KCNMA1: variants seen among roughly 807,000 people sequenced by gnomAD.
KCNMA1 encodes the protein potassium calcium-activated channel subfamily M alpha 1.
KCNMA1 carries 29 observed loss-of-function variants against 140.0 expected under a neutral mutation model. The observed-to-expected ratio is 0.21, with a 90% confidence interval of 0.15 to 0.28. The LOEUF (loss-of-function observed/expected upper bound fraction) is 0.28. KCNMA1 is among the 10% of genes least tolerant of loss of function. KCNMA1 has a pLI of 1.00. For missense variants in KCNMA1, 880 were observed against 1,602.2 expected, an observed-to-expected ratio of 0.55 and a Z score of 7.70; for synonymous variants, 612 against 611.9, an observed-to-expected ratio of 1.00 and a Z score of 0.00.
intron 1 of KCNMA1, among the ~76,000 whole-genome samples, chr10:77,543,270 T>C (rs1603634659): frequency 6.6e-6 from 1 of 152,116 alleles, no homozygotes; most frequent in Non-Finnish European, 1.5e-5. Context: ...TCTCCCATGT[T>C]CCCCTATAAT....
At chr10:77,321,850 G>T (rs892007849) in intron 2 of KCNMA1, among the ~76,000 whole-genome samples, 12 of 152,124 alleles carry the variant, frequency 7.9e-5, no homozygotes, top group African/African-American at 2.7e-4. Flanking sequence ...CAGTTTTTAG[G>T]AGGAAAAGCA....
At chr10:77,349,732 A>G (rs904566912) in intron 2 of KCNMA1, among the ~76,000 whole-genome samples, 3 of 152,202 alleles carry the variant, frequency 2.0e-5, no homozygotes, top group African/African-American at 7.2e-5. Context: ...AGAGCAATGG[A>G]ACTTTAAAGA....
At chr10:77,169,238 G>A (rs2098676302) in intron 5 of KCNMA1, among the ~76,000 whole-genome samples, 1 of 152,146 alleles carries the variant, frequency 6.6e-6, no homozygotes, top group South Asian at 2.1e-4. Flanking sequence ...TCTGAGATTG[G>A]GTAGGAGTGG....
chr10:77,472,294 A>G (rs2098179817), intron 1 of KCNMA1, among the ~76,000 whole-genome samples: 1 of 151,348 alleles, frequency 6.6e-6, no homozygotes, highest in Non-Finnish European at 1.5e-5. Context: ...CATGTCACAC[A>G]CACATCACAC....
In KCNMA1 at chr10:77,073,398, G is replaced by A. The variant is rs112760938; in HGVS notation, c.1594-146C>T. The A allele has an allele frequency of 3.7e-4, 304 of 815,514 alleles. 1 individual carries two copies. In the African/African-American group the frequency reaches 4.4e-3, roughly 12 times the overall value. The allele number at this position is 815,514 out of a possible 1,614,324, so 50.5% of individuals were successfully genotyped here. ...CCCTTGCTGCGGTCTGATGTTTGCT[G>A]TTTTATGCAACTCTTCTGCTCATCA... On this transcript the variant is annotated intron_variant, in intron 13 of 27. Coordinates refer to ENST00000286628, the MANE Select transcript of KCNMA1 (RefSeq NM_001161352.2).
At chr10:77,409,621 G>A (rs1373691641) in intron 1 of KCNMA1, among the ~76,000 whole-genome samples, 1 of 152,180 alleles carries the variant, frequency 6.6e-6, no homozygotes, top group African/African-American at 2.4e-5. Flanking sequence ...GGCTAATCCT[G>A]CTTGTCTTCA....
intron 2 of KCNMA1, among the ~76,000 whole-genome samples, chr10:77,264,682 T>C (rs937815043): frequency 6.6e-6 from 1 of 152,164 alleles, no homozygotes; most frequent in Non-Finnish European, 1.5e-5. Flanking sequence ...GCATGGTTTT[T>C]CCATGTGTCA....
At chr10:77,596,515 C>T (rs748377083) in intron 1 of KCNMA1, among the ~76,000 whole-genome samples, 1 of 152,208 alleles carries the variant, frequency 6.6e-6, no homozygotes, top group Non-Finnish European at 1.5e-5. Context: ...TGCTCCATAA[C>T]ATCCGGAGAT....
intron 1 of KCNMA1, among the ~76,000 whole-genome samples, chr10:77,549,347 A>C (rs2062193491): frequency 6.6e-6 from 1 of 152,202 alleles, no homozygotes; most frequent in Admixed American, 6.5e-5. Context: ...ATGGAGAGGA[A>C]GTCTCTCTCC....
At chr10:77,410,561 C>T (rs2096596010) in intron 1 of KCNMA1, among the ~76,000 whole-genome samples, 1 of 152,254 alleles carries the variant, frequency 6.6e-6, no homozygotes, top group East Asian at 1.9e-4. Context: ...AAGAAAAATA[C>T]TTTTCAAAAA....
rs544606013 is a variant in KCNMA1, at chr10:77,297,239, A to C, written c.541-45983T>G. ...TGTCTCTTGTCCCAAGAGTAGAGCC[A>C]AACCAAATAGCCTCACCATACCCAA... On this transcript the variant is annotated intron_variant, in intron 2 of 27. Coordinates refer to ENST00000286628, the MANE Select transcript of KCNMA1 (RefSeq NM_001161352.2). Among the ~76,000 whole-genome samples, 4 of 152,332 alleles carry C rather than the reference A, an allele frequency of 2.6e-5. No homozygotes were observed. In the South Asian group the frequency reaches 6.2e-4, roughly 24 times the overall value.
At chr10:77,231,834 T>C (rs2154208233) in intron 3 of KCNMA1, among the ~76,000 whole-genome samples, 1 of 152,382 alleles carries the variant, frequency 6.6e-6, no homozygotes, top group South Asian at 2.1e-4. Context: ...TTCTAGTTTC[T>C]ACACCATACA....
intron 1 of KCNMA1, among the ~76,000 whole-genome samples, chr10:77,466,152 G>T (rs1484748723): frequency 6.6e-6 from 1 of 152,112 alleles, no homozygotes; most frequent in African/African-American, 2.4e-5. Flanking sequence ...AAGCCTGGCT[G>T]CCCTCACTCC....
At chr10:77,199,656 C>T (rs954496663) in intron 3 of KCNMA1, among the ~76,000 whole-genome samples, 1 of 152,106 alleles carries the variant, frequency 6.6e-6, no homozygotes, top group African/African-American at 2.4e-5. Flanking sequence ...AGAAGATCGC[C>T]TCTGCCTAAC....
intron 9 of KCNMA1, among the ~76,000 whole-genome samples, chr10:77,106,030 GC>G (rs1255476914): frequency 1.3e-4 from 20 of 152,096 alleles, no homozygotes; most frequent in African/African-American, 4.8e-4. Flanking sequence ...GGTGCTAATG[GC>G]CCTTTATTAC....
Position 77,011,967 on chromosome 10 carries a change from G to A in KCNMA1, c.2092C>T (p.Pro698Ser), listed in dbSNP as rs886043569. 35 of 1,613,354 alleles carry A rather than the reference G, an allele frequency of 2.2e-5. No individual in the cohort carries two copies. Among genetic ancestry groups the A allele is most frequent in the East Asian group, 8.9e-5 (4 of 44,836 alleles). ...KRIKKCGCKRPKMSIYKRMRR... is the reference protein window; with the variant it reads ...KRIKKCGCKRSKMSIYKRMRR... ...GGACAGGGAGAGAAACACTACTTAC[G>A]CCGTTTGCAGCCACATTTTTTTATT... Residue 698 changes from proline (P) to serine (S), a missense_variant and splice_region_variant, in exon 18 of 28, where the codon CCC (proline) becomes TCC (serine). Physicochemically the swap from Pro to Ser is moderately conservative, Grantham distance 74. This residue lies in a region of KCNMA1 where 196 missense variants were observed against 233.0 expected (regional missense o/e 0.84). Coordinates refer to ENST00000286628, the MANE Select transcript of KCNMA1 (RefSeq NM_001161352.2).
chr10:77,452,245 C>G (rs1008270223), intron 1 of KCNMA1, among the ~76,000 whole-genome samples: 1 of 152,184 alleles, frequency 6.6e-6, no homozygotes, highest in African/African-American at 2.4e-5. Context: ...TGTCCCATAC[C>G]TCATGTCCTC....
At chr10:77,219,091 T>A (rs948097202) in intron 3 of KCNMA1, among the ~76,000 whole-genome samples, 1 of 152,318 alleles carries the variant, frequency 6.6e-6, no homozygotes, top group East Asian at 1.9e-4. Context: ...GTGACAAATA[T>A]GACTCCATAT....
chr10:76,969,913 G>T, intron 20 of KCNMA1, 61 bp downstream of exon 20: 1 of 1,346,830 alleles, frequency 7.4e-7, no homozygotes, highest in Non-Finnish European at 1.1e-6. Context: ...GTGAGGAGAG[G>T]GCGAGGGGAG....
Sources: gnomAD v4.1 joint callset for allele counts (sites outside exome capture counted in the v4.1 genomes callset) on GRCh38, gnomAD v4.1.1 for gene constraint, gnomAD v4.1.1 regional missense constraint, MANE v1.5 for transcripts, NCBI Gene and HGNC (gene_info 2026-07-23, HGNC 2026-07-21) for gene names.